Variants in AGMO observed in about 807,000 individuals in gnomAD.
AGMO encodes the protein alkylglycerol monooxygenase.
A neutral mutation model predicts 60.2 loss-of-function variants in AGMO; 75 were observed. That is an observed-to-expected ratio of 1.25 (90% CI 1.03 to 1.51). AGMO has a LOEUF of 1.51. Ranked by LOEUF, AGMO falls within the 40% of genes most tolerant of loss-of-function variation. AGMO has a pLI of 0.00. For synonymous variants in AGMO, 261 were observed against 177.1 expected (o/e 1.47, Z -3.76); for missense variants, 763 against 525.5 (o/e 1.45, Z -4.42).
chr7:15,377,953 A>G (rs1374843547), intron 10 of AGMO, among the ~76,000 whole-genome samples: 2 of 152,056 alleles, frequency 1.3e-5, no homozygotes. Flanking sequence ...CTTGGTTTCA[A>G]ATTTTGTCAT....
At chr7:15,522,122 C>T (rs1240293827) in intron 3 of AGMO, among the ~76,000 whole-genome samples, 2 of 152,052 alleles carry the variant, frequency 1.3e-5, no homozygotes, top group Non-Finnish European at 2.9e-5. Flanking sequence ...GAATAAAATA[C>T]ATAGGAATAC....
At chr7:15,203,313 T>G (rs1158618846) in intron 12 of AGMO, among the ~76,000 whole-genome samples, 1 of 152,090 alleles carries the variant, frequency 6.6e-6, no homozygotes, top group Admixed American at 6.6e-5. Flanking sequence ...TATGCCTTGT[T>G]ATTAATCCAC....
chr7:15,178,612 A>G, the AGMO span, among the ~76,000 whole-genome samples: 1 of 152,076 alleles, frequency 6.6e-6, no homozygotes, highest in Non-Finnish European at 1.5e-5. Flanking sequence ...GGCTTTATTA[A>G]AAATGGCTGT....
chr7:15,350,578 T>G (rs559667578), intron 12 of AGMO, among the ~76,000 whole-genome samples: 1 of 152,216 alleles, frequency 6.6e-6, no homozygotes, highest in African/African-American at 2.4e-5. Flanking sequence ...GAGAGTAGAT[T>G]TCTGTTTTCT....
At chr7:15,464,111 G>A (rs139042284) in intron 3 of AGMO, among the ~76,000 whole-genome samples, 1 of 152,146 alleles carries the variant, frequency 6.6e-6, no homozygotes, top group Non-Finnish European at 1.5e-5. Flanking sequence ...GCACAGTCCC[G>A]ATCACTTACA....
chr7:15,247,451 C>G (rs183570052), intron 12 of AGMO, among the ~76,000 whole-genome samples: 25,696 of 117,166 alleles, frequency 0.22, 3,017 homozygotes, highest in East Asian at 0.38. Context: ...CACACACACA[C>G]ACACACACAG....
chr7:15,118,173 A>AACACACACACACACACACACAC, the AGMO span, among the ~76,000 whole-genome samples: 2 of 144,590 alleles, frequency 1.4e-5, no homozygotes, highest in African/African-American at 5.2e-5. Context: ...ACTAAAGAGA[A>AACACACACACACACACACACAC]ACACACACAC....
At chr7:15,153,534 G>A in the AGMO span, among the ~76,000 whole-genome samples, 9 of 152,196 alleles carry the variant, frequency 5.9e-5, no homozygotes, top group East Asian at 3.9e-4. Context: ...TAAGAGATAC[G>A]GATCCAGTTT....
intron 2 of AGMO, among the ~76,000 whole-genome samples, chr7:15,547,192 T>G (rs915974954): frequency 1.3e-5 from 2 of 151,040 alleles, no homozygotes; most frequent in Non-Finnish European, 3.0e-5. Context: ...CCTTCTCACC[T>G]CAGCTATGAC....
intron 3 of AGMO, among the ~76,000 whole-genome samples, chr7:15,531,382 CTATATATATTCTA>C (rs1784341272): frequency 1.0e-4 from 8 of 78,184 alleles, no homozygotes; most frequent in Admixed American, 3.8e-4. Flanking sequence ...TATATATATT[CTATATATATTCTA>C]TATATATATT....
At chr7:15,280,184 G>A (rs1402137314) in intron 12 of AGMO, among the ~76,000 whole-genome samples, 2 of 152,156 alleles carry the variant, frequency 1.3e-5, no homozygotes, top group African/African-American at 4.8e-5. Context: ...TCTCCACCAG[G>A]AAGGTTTATG....
intron 12 of AGMO, among the ~76,000 whole-genome samples, chr7:15,231,423 T>C (rs1782255715): frequency 6.6e-6 from 1 of 152,190 alleles, no homozygotes; most frequent in South Asian, 2.1e-4. Flanking sequence ...TCTCAAAGCA[T>C]AGATCAAATT....
intron 9 of AGMO, among the ~76,000 whole-genome samples, chr7:15,385,826 A>T (rs947062431): frequency 3.3e-5 from 5 of 152,214 alleles, no homozygotes; most frequent in African/African-American, 1.2e-4. Flanking sequence ...AATGCATGGG[A>T]TGTATCTTCC....
chr7:15,407,232 C>CATATATATATAT (rs60144769), intron 5 of AGMO, among the ~76,000 whole-genome samples: 14,550 of 131,754 alleles, frequency 0.11, 1,124 homozygotes, highest in Middle Eastern at 0.21. Context: ...CTTTGGAATA[C>CATATATATATAT]ATATATATAT....
chr7:15,139,010 C>A, the AGMO span, among the ~76,000 whole-genome samples: 1 of 152,126 alleles, frequency 6.6e-6, no homozygotes, highest in African/African-American at 2.4e-5. Context: ...AAATTAAGAT[C>A]TAGAGCATTC....
At chr7:15,486,532 A>G (rs1357833668) in intron 3 of AGMO, among the ~76,000 whole-genome samples, 2 of 152,176 alleles carry the variant, frequency 1.3e-5, no homozygotes. Flanking sequence ...CACAGCTTAG[A>G]TTTTGTAAAA....
At chr7:15,484,809 C>T (rs540245960) in intron 3 of AGMO, among the ~76,000 whole-genome samples, 2 of 152,124 alleles carry the variant, frequency 1.3e-5, no homozygotes, top group Non-Finnish European at 2.9e-5. Flanking sequence ...CTCAAAATGT[C>T]TCAGAGGAGG....
intron 12 of AGMO, among the ~76,000 whole-genome samples, chr7:15,260,830 C>T (rs1255665568): frequency 3.3e-5 from 5 of 151,786 alleles, no homozygotes; most frequent in South Asian, 2.1e-4. Flanking sequence ...CTGACCACAG[C>T]GGAATAAAAT....
Position 15,389,896 on chromosome 7 carries a change from T to G in AGMO, c.822+775A>C, listed in dbSNP as rs114886273. On this transcript the variant is annotated intron_variant, in intron 8 of 12. Transcript: ENST00000342526. ...GTTAACAATTTTGTTATTTCAACTT[T>G]CAGTGAAACTCGAAGTAGTCTGGAA... Among the ~76,000 whole-genome samples the G allele has an allele frequency of 2.5e-3, 379 of 152,292 alleles. 1 individual carries two copies. Among genetic ancestry groups the G allele is most frequent in the African/African-American group, 8.4e-3 (350 of 41,556 alleles).
Sources: allele counts gnomAD v4.1 joint callset (sites outside exome capture counted in the v4.1 genomes callset), GRCh38; gene constraint gnomAD v4.1.1; transcripts MANE v1.5; gene names NCBI Gene and HGNC (gene_info 2026-07-23, HGNC 2026-07-21).